The following ERCC6L2 variants were observed in gnomAD, a reference collection of about 807,000 sequenced individuals.
The protein encoded by ERCC6L2 is DNA excision repair protein ERCC-6-like 2.
ERCC6L2 carries 77 observed loss-of-function variants against 132.0 expected under a neutral mutation model. The ratio of observed to expected loss-of-function variants is 0.58; its 90% CI spans 0.49 to 0.71. The LOEUF (loss-of-function observed/expected upper bound fraction) is 0.71. Among genes scored for constraint, ERCC6L2 ranks in the 30% least tolerant of loss-of-function variants. ERCC6L2 has a pLI of 0.00. For synonymous variants in ERCC6L2, 583 were observed against 632.4 expected, an observed-to-expected ratio of 0.92 and a Z score of 1.17; for missense variants, 1,542 against 1,837.6, an observed-to-expected ratio of 0.84 and a Z score of 2.94.
intron 17 of ERCC6L2, among the ~76,000 whole-genome samples, chr9:95,985,074 TC>T: frequency 6.6e-6 from 1 of 152,296 alleles, no homozygotes; most frequent in African/African-American, 2.4e-5. Context: ...CAATTCAAGT[TC>T]CGTTTTTTCC....
intron 9 of ERCC6L2, among the ~76,000 whole-genome samples, chr9:95,924,054 G>C (rs990465301): frequency 1.3e-5 from 2 of 152,154 alleles, no homozygotes; most frequent in African/African-American, 4.8e-5. Flanking sequence ...AACAGAGTTT[G>C]TTTAACCCCT....
At chr9:96,036,229 C>T (rs1259715202) in intron 19 of ERCC6L2, among the ~76,000 whole-genome samples, 1 of 152,142 alleles carries the variant, frequency 6.6e-6, no homozygotes, top group Non-Finnish European at 1.5e-5. Flanking sequence ...AGCAACAACC[C>T]TTCTACTTTC....
chr9:95,957,687 G>A (rs961167683), intron 13 of ERCC6L2, among the ~76,000 whole-genome samples: 4 of 151,768 alleles, frequency 2.6e-5, no homozygotes, highest in African/African-American at 7.3e-5. Context: ...GATAAAACAC[G>A]CTTCAGAAGA....
chr9:95,907,261 G>T lies in ERCC6L2; in HGVS notation c.778G>T (p.Glu260Ter). The T allele has an allele frequency of 6.2e-7, 1 of 1,601,408 alleles. No homozygotes were observed. Among genetic ancestry groups the T allele is most frequent in the South Asian group, 1.1e-5 (1 of 89,632 alleles). ...TGAAACACTACGCTTATGCCTGGAT[G>T]AACTTAACAGGTAATGGGAATAATA... is the stretch of plus-strand genomic sequence containing the variant. ...TYETLRLCLD[E>*]LNSLEWSAVI... is the part of the protein sequence containing the mutation. Residue 260 changes from glutamate to a stop codon, truncating the protein, a stop_gained, in exon 4 of 19, where the codon GAA becomes TAA. Coordinates refer to ENST00000653738, the MANE Select transcript of ERCC6L2 (RefSeq NM_020207.7). LOFTEE classifies it high-confidence loss of function.
At chr9:95,998,590 A>G (rs1833550285) in intron 17 of ERCC6L2, among the ~76,000 whole-genome samples, 1 of 152,184 alleles carries the variant, frequency 6.6e-6, no homozygotes, top group South Asian at 2.1e-4. Context: ...CAGTTAGAGA[A>G]GAAGGGTTGC....
Position 96,013,233 on chromosome 9 carries a change from C to T in ERCC6L2, c.*30C>T. On this transcript the variant is annotated 3_prime_UTR_variant, in exon 19 of 19. Transcript: ENST00000653738. Reference sequence around the variant, plus strand: ...ATAAATGAATTACTGCACCAGTAAACTGCTGCCATCACTGTTTACGGCACT... The same window carrying T: ...ATAAATGAATTACTGCACCAGTAAATTGCTGCCATCACTGTTTACGGCACT... 7.6e-7 allele frequency: 1 copy of T among 1,322,614 alleles called. No homozygotes were observed. The highest frequency in any genetic ancestry group is 1.0e-6 in the Non-Finnish European group (1 of 1,002,500). The allele number at this position is 1,322,614 out of a possible 1,614,324, so 81.9% of individuals were successfully genotyped here. A position where few individuals can be genotyped will look rare whatever the true frequency, so the allele number is the denominator to read the frequency against.
intron 1 of ERCC6L2, among the ~76,000 whole-genome samples, chr9:95,879,692 A>G (rs1376890362): frequency 6.6e-6 from 1 of 152,210 alleles, no homozygotes; most frequent in Non-Finnish European, 1.5e-5. Flanking sequence ...AACCTCATCA[A>G]AGTTAGTGGC....
chr9:95,959,106 A>G (rs1350901890), intron 13 of ERCC6L2, among the ~76,000 whole-genome samples: 1 of 152,172 alleles, frequency 6.6e-6, no homozygotes, highest in East Asian at 1.9e-4. Flanking sequence ...AGCTGGAGGC[A>G]TCATGCTACC....
intron 7 of ERCC6L2, 39 bp from the exon 8 acceptor site, chr9:95,922,265 AT>A (rs1198112329): frequency 6.7e-6 from 7 of 1,049,950 alleles, no homozygotes; most frequent in Non-Finnish European, 1.0e-5. Context: ...GTGCATAGCT[AT>A]GCTGGTCCTT....
At chr9:95,960,423 G>A (rs1347275722) in intron 13 of ERCC6L2, among the ~76,000 whole-genome samples, 2 of 152,164 alleles carry the variant, frequency 1.3e-5, no homozygotes, top group Non-Finnish European at 2.9e-5. Flanking sequence ...CTTTGCAGAT[G>A]TGATTAAATT....
intron 19 of ERCC6L2, among the ~76,000 whole-genome samples, chr9:96,029,495 A>T (rs980989057): frequency 6.6e-6 from 1 of 152,114 alleles, no homozygotes; most frequent in Middle Eastern, 3.2e-3. Flanking sequence ...CATGAGCTCT[A>T]ACCTTAGGAT....
chr9:95,974,631 A>G (rs1333296534), intron 16 of ERCC6L2, among the ~76,000 whole-genome samples: 2 of 152,078 alleles, frequency 1.3e-5, no homozygotes, highest in Non-Finnish European at 2.9e-5. Flanking sequence ...TTTAGAGAGA[A>G]AGTGTGTTTC....
chr9:95,960,150 A>G (rs1243442771), intron 13 of ERCC6L2, among the ~76,000 whole-genome samples: 1 of 152,152 alleles, frequency 6.6e-6, no homozygotes, highest in East Asian at 1.9e-4. Flanking sequence ...TTTTTCTAAT[A>G]TTCAGAAGAA....
intron 19 of ERCC6L2, among the ~76,000 whole-genome samples, chr9:96,035,161 C>T (rs886195013): frequency 6.6e-6 from 1 of 152,184 alleles, no homozygotes; most frequent in Non-Finnish European, 1.5e-5. Flanking sequence ...CTCAGATCTC[C>T]AAGTGGGATT....
At chr9:95,990,515 G>A (rs1452156719) in intron 17 of ERCC6L2, among the ~76,000 whole-genome samples, 1 of 152,200 alleles carries the variant, frequency 6.6e-6, no homozygotes, top group Non-Finnish European at 1.5e-5. Context: ...ACAGGCAGTG[G>A]CCCTTAATTG....
chr9:95,931,471 G>C (rs1280860939), intron 11 of ERCC6L2, among the ~76,000 whole-genome samples: 1 of 151,964 alleles, frequency 6.6e-6, no homozygotes, highest in African/African-American at 2.4e-5. Context: ...TTGCCCCTTT[G>C]TTTTCCTAGG....
intron 16 of ERCC6L2, among the ~76,000 whole-genome samples, chr9:95,976,730 C>T (rs1683934655): frequency 6.6e-6 from 1 of 152,126 alleles, no homozygotes; most frequent in African/African-American, 2.4e-5. Flanking sequence ...AGAGATTCTC[C>T]TGCTTCTTCT....
chr9:96,027,051 C>T (rs1834385148), intron 19 of ERCC6L2, among the ~76,000 whole-genome samples: 1 of 147,018 alleles, frequency 6.8e-6, no homozygotes, highest in African/African-American at 2.5e-5. Flanking sequence ...CCACCCCACA[C>T]ACTACACACA....
intron 3 of ERCC6L2, among the ~76,000 whole-genome samples, chr9:95,898,840 CTT>C (rs1828605261): frequency 6.6e-6 from 1 of 152,148 alleles, no homozygotes; most frequent in African/African-American, 2.4e-5. Context: ...TCAATGCAAA[CTT>C]TTCAGAACTA....
Sources: gnomAD v4.1 joint callset for allele counts (sites outside exome capture counted in the v4.1 genomes callset) on GRCh38, gnomAD v4.1.1 for gene constraint, MANE v1.5 for transcripts, NCBI Gene and HGNC (gene_info 2026-07-23, HGNC 2026-07-21) for gene names.